The following NUMA1 variants were observed in gnomAD, a reference collection of about 807,000 sequenced individuals.
The protein encoded by NUMA1 is SP-H antigen.
In NUMA1, 62 loss-of-function variants were observed where a neutral mutation model predicts 237.1. The ratio of observed to expected loss-of-function variants is 0.26; its 90% CI spans 0.21 to 0.32. NUMA1 has a LOEUF of 0.32. Among genes scored for constraint, NUMA1 ranks in the 10% least tolerant of loss-of-function variants. The pLI, the probability that NUMA1 is intolerant of heterozygous loss-of-function variation, is 1.00. For synonymous variants in NUMA1, 1,028 were observed against 1,066.1 expected (o/e 0.96, Z 0.70); for missense variants, 2,533 against 2,666.5 (o/e 0.95, Z 1.10).
chr11:72,057,121 A>T (rs1420469234), intron 2 of NUMA1, among the ~76,000 whole-genome samples: 1 of 152,088 alleles, frequency 6.6e-6, no homozygotes, highest in Admixed American at 6.5e-5. Flanking sequence ...AAGGAAATAT[A>T]TTCTAATCTC....
chr11:72,048,770 T>G (rs932329629), intron 2 of NUMA1, among the ~76,000 whole-genome samples: 1 of 152,002 alleles, frequency 6.6e-6, no homozygotes, highest in Non-Finnish European at 1.5e-5. Context: ...TTACAAACAC[T>G]GAAGGGCCAA....
At chr11:72,024,414 C>T in intron 4 of NUMA1, 61 bp from the exon 5 acceptor site, 1 of 1,394,616 alleles carries the variant, frequency 7.2e-7, no homozygotes, top group Non-Finnish European at 1.0e-6. Context: ...CTTGCTGCTG[C>T]ATTTCATAGT....
In NUMA1 at chr11:72,039,244, C is replaced by G. The variant is rs187588911; in HGVS notation, c.-32-3269G>C. 7.0e-4 allele frequency among the ~76,000 whole-genome samples: 107 copies of G among 152,356 alleles called. 2 individuals are homozygous for G. The highest frequency in any genetic ancestry group is 4.4e-3 in the Admixed American group (68 of 15,310). On this transcript the variant is annotated intron_variant, in intron 2 of 26. Transcript: ENST00000393695. ...CCTGCTCAGACACAAGAAGCAGGAC[C>G]AGAGGGTCAAGTTGCTGAGCTCTGA...
intron 2 of NUMA1, 134 bp from the exon 3 acceptor site, chr11:72,036,109 G>A (rs1940993603): frequency 3.0e-6 from 2 of 661,174 alleles, no homozygotes; most frequent in South Asian, 3.5e-5. Flanking sequence ...AGACACCATG[G>A]GAATTTTTAG....
At position 72,038,161 on chromosome 11, in the gene NUMA1, C is replaced by T. The variant is rs576317182; in HGVS notation, c.-32-2186G>A. On this transcript the variant is annotated intron_variant, in intron 2 of 26. Transcript: ENST00000393695. Reference sequence around the variant, plus strand: ...GTCCTTTTGATGAGGCCCAACACTTCGAAATTTTATCTGCAACTGTAGGCA... The same window carrying T: ...GTCCTTTTGATGAGGCCCAACACTTTGAAATTTTATCTGCAACTGTAGGCA... Among the ~76,000 whole-genome samples the T allele has an allele frequency of 3.3e-4, 50 of 152,276 alleles. No homozygotes were observed. The South Asian group carries it at 9.7e-3, about 30-fold the overall frequency.
chr11:72,060,580 C>T (rs2136153160), intron 2 of NUMA1, among the ~76,000 whole-genome samples: 1 of 151,946 alleles, frequency 6.6e-6, no homozygotes, highest in East Asian at 2.0e-4. Flanking sequence ...GAGGCCAAGG[C>T]CGTGGTGAAC....
chr11:72,024,891 G>GGGT (rs1565235389), intron 4 of NUMA1: 1 of 153,126 alleles, frequency 6.5e-6, no homozygotes, highest in African/African-American at 2.5e-5. Flanking sequence ...AGGGACTAGA[G>GGGT]TGTTGTTTGT....
intron 2 of NUMA1, among the ~76,000 whole-genome samples, chr11:72,057,758 A>C (rs1346670175): frequency 6.6e-6 from 1 of 150,922 alleles, no homozygotes; most frequent in African/African-American, 2.4e-5. Context: ...AAAAACAAAA[A>C]AAAACAAAAA....
intron 4 of NUMA1, among the ~76,000 whole-genome samples, chr11:72,028,327 A>C (rs1939838242): frequency 6.6e-6 from 1 of 152,124 alleles, no homozygotes; most frequent in South Asian, 2.1e-4. Flanking sequence ...AGGTAGCTAA[A>C]GTGCTTGCTT....
rs1347653516 is a variant in NUMA1 at position 72,003,209 on chromosome 11, C to T, written c.*318G>A. 9.1e-6 allele frequency: 4 copies of T among 439,746 alleles called. No homozygotes were observed. The highest frequency in any genetic ancestry group is 1.7e-5 in the Non-Finnish European group (4 of 239,142). 27.2% of individuals were successfully genotyped at this position (439,746 alleles called of 1,614,324 possible). ...TCCAGAGGCTAAGAGGAAGACTGGC[C>T]AGGCCCAAGGACCCAGCCATCAAAA... On this transcript the variant is annotated 3_prime_UTR_variant, in exon 27 of 27. Transcript: ENST00000393695.
At position 72,018,927 on chromosome 11, in the gene NUMA1, T is replaced by C. The variant is rs1938324768; in HGVS notation, c.638A>G (p.Gln213Arg). 1.2e-6 allele frequency: 2 copies of C among 1,613,868 alleles called. No homozygotes were observed. Among genetic ancestry groups the C allele is most frequent in the East Asian group, 2.2e-5 (1 of 44,884 alleles). The change falls in exon 10 of 27, where the codon CAG (glutamine) becomes CGG (arginine). Residue 213 changes from glutamine to arginine, a missense_variant. Gln to Arg is a conservative substitution (Grantham distance 43, BLOSUM62 1). This residue lies in a region of NUMA1 where 1,414 missense variants were observed against 1,508.1 expected (regional missense o/e 0.94). Transcript: ENST00000393695. The stretch of plus-strand genomic sequence containing the variant: ...CTTCTTCAGCCGTCTCATCTGGAAC[T>C]GTGGGGTCTGCAGGATATCACCCAT... The part of the protein sequence containing the change: ...SPMGDILQTP[Q>R]FQMRRLKKQL...
chr11:72,040,227 G>A (rs958968887), intron 2 of NUMA1, among the ~76,000 whole-genome samples: 1 of 152,062 alleles, frequency 6.6e-6, no homozygotes, highest in African/African-American at 2.4e-5. Flanking sequence ...TTGTAGCCTA[G>A]AGTTTGGCAC....
At chr11:72,028,355 G>A (rs1476806356) in intron 4 of NUMA1, among the ~76,000 whole-genome samples, 3 of 147,648 alleles carry the variant, frequency 2.0e-5, no homozygotes, top group Admixed American at 7.0e-5. Context: ...ATGAGTCCCT[G>A]ATACCAGTTC....
chr11:72,038,449 G>A (rs1941294397), intron 2 of NUMA1, among the ~76,000 whole-genome samples: 1 of 152,202 alleles, frequency 6.6e-6, no homozygotes, highest in African/African-American at 2.4e-5. Flanking sequence ...TTCTAAGCCT[G>A]TAAAGAGGTA....
intron 4 of NUMA1, among the ~76,000 whole-genome samples, chr11:72,028,074 C>T (rs1026976061): frequency 4.6e-5 from 7 of 152,226 alleles, no homozygotes; most frequent in African/African-American, 1.7e-4. Flanking sequence ...ACGATCAACA[C>T]ACACTTCAAA....
rs1214506681 is a variant in NUMA1, at chr11:72,014,648, A to G, written c.2855T>C (p.Leu952Pro). The G allele has an allele frequency of 1.9e-6, 3 of 1,612,080 alleles. No homozygotes were observed. The highest frequency in any genetic ancestry group is 2.5e-6 in the Non-Finnish European group (3 of 1,180,014). Reference protein sequence around the residue: ...ARAGDRQPEWLEEQQGRQFCS... With the variant: ...ARAGDRQPEWPEEQQGRQFCS... ...GAACTGGCGTCCCTGTTGCTCTTCC[A>G]GCCACTCGGGCTGTCTGTCTCCTGC... Residue 952 changes from leucine to proline, a missense_variant, in exon 15 of 27, where the codon CTG becomes CCG. Physicochemically the swap from Leu to Pro is moderately conservative, Grantham distance 98 (BLOSUM62 -3). This residue lies in a region of NUMA1 where 1,414 missense variants were observed against 1,508.1 expected (regional missense o/e 0.94). Transcript: ENST00000393695. The surrounding 1 kb of genome is among the most constrained non-coding windows in gnomAD (Gnocchi z 4.6).
intron 21 of NUMA1, among the ~76,000 whole-genome samples, chr11:72,006,492 A>C (rs1304347124): frequency 6.6e-6 from 1 of 152,134 alleles, no homozygotes; most frequent in East Asian, 1.9e-4. Context: ...CATGGAGTCT[A>C]TTCATAATGC....
chr11:72,051,471 A>ATTTT lies in NUMA1; in HGVS notation c.-32-15500_-32-15497dup, dbSNP rs61257330. 7.7e-5 allele frequency among the ~76,000 whole-genome samples: 11 copies of ATTTT among 142,644 alleles called. No homozygotes were observed. In the South Asian group the frequency reaches 1.1e-3, roughly 14 times the overall value. The allele number at this position is 142,644 out of a possible 152,430, so 93.6% of individuals were successfully genotyped here. A position where few individuals can be genotyped will look rare whatever the true frequency, so the allele number is the denominator to read the frequency against. Reference sequence around the variant, plus strand: ...TACATACTGTGCTAGGAATTCAAAGATTTTTTTTTTTTTTTTTGAGACAAG... The same window carrying ATTTT: ...TACATACTGTGCTAGGAATTCAAAGATTTTTTTTTTTTTTTTTTTTTGAGACAAG... On this transcript the variant is annotated intron_variant, in intron 2 of 26. Transcript: ENST00000393695.
intron 21 of NUMA1, 42 bp from the exon 22 acceptor site, chr11:72,006,305 C>A: frequency 6.5e-7 from 1 of 1,547,496 alleles, no homozygotes; most frequent in Non-Finnish European, 8.9e-7. Flanking sequence ...CAGTCCCTGG[C>A]ACTGTACAGA....
Sources: gnomAD v4.1 joint callset for allele counts (sites outside exome capture counted in the v4.1 genomes callset) on GRCh38, gnomAD v4.1.1 for gene constraint, gnomAD v4.1.1 regional missense constraint, Gnocchi (gnomAD v3.1) non-coding constraint, MANE v1.5 for transcripts, NCBI Gene and HGNC (gene_info 2026-07-23, HGNC 2026-07-21) for gene names.